Variants in ROBO2 observed in about 807,000 individuals in gnomAD.
The protein encoded by ROBO2 is roundabout guidance receptor 2.
ROBO2 carries 53 observed loss-of-function variants against 160.8 expected under a neutral mutation model. The ratio of observed to expected loss-of-function variants is 0.33; its 90% CI spans 0.26 to 0.41. The LOEUF is 0.41. Among genes scored for constraint, ROBO2 ranks in the 10% least tolerant of loss-of-function variants. The probability of loss-of-function intolerance (pLI) is 1.00; values close to 1 mark genes in which losing one functional copy is unlikely to be tolerated. For synonymous variants in ROBO2, 664 were observed against 611.7 expected, an observed-to-expected ratio of 1.09 and a Z score of -1.26; for missense variants, 1,577 against 1,722.4, an observed-to-expected ratio of 0.92 and a Z score of 1.49.
chr3:77,022,985 TA>T (rs1285060486), intron 2 of ROBO2, among the ~76,000 whole-genome samples: 4 of 152,148 alleles, frequency 2.6e-5, no homozygotes, highest in Non-Finnish European at 5.9e-5. Context: ...ACCACCATTC[TA>T]GTTTCAGTCT....
chr3:75,915,311 T>C (rs1162537841), intron 1 of ROBO2, among the ~76,000 whole-genome samples: 1 of 152,186 alleles, frequency 6.6e-6, no homozygotes, highest in East Asian at 1.9e-4. Context: ...TCAAGAATTA[T>C]GTAAAACCAG....
At chr3:76,942,300 G>A (rs1044493094) in intron 2 of ROBO2, among the ~76,000 whole-genome samples, 2 of 152,102 alleles carry the variant, frequency 1.3e-5, no homozygotes, top group African/African-American at 4.8e-5. Context: ...GTTTTCATTT[G>A]CAAAGCACAC....
At chr3:76,435,009 G>T in intron 2 of ROBO2, 1 of 1,478,092 alleles carries the variant, frequency 6.8e-7, no homozygotes, top group Non-Finnish European at 9.5e-7. Flanking sequence ...TCAGGAAAAT[G>T]TTTCCAACCT....
chr3:77,134,210 C>A (rs116804425), intron 2 of ROBO2, among the ~76,000 whole-genome samples: 2,554 of 152,004 alleles, frequency 0.017, 31 homozygotes, highest in African/African-American at 0.028. Flanking sequence ...AAAAACAAGG[C>A]TAGGTGATCT....
intron 2 of ROBO2, among the ~76,000 whole-genome samples, chr3:76,333,141 G>A (rs1216451798): frequency 3.3e-5 from 5 of 152,074 alleles, no homozygotes; most frequent in Admixed American, 2.6e-4. Flanking sequence ...AAATCATGGC[G>A]TTACCACATA....
intron 2 of ROBO2, among the ~76,000 whole-genome samples, chr3:76,955,852 C>T (rs1263932082): frequency 2.0e-5 from 3 of 146,678 alleles, no homozygotes; most frequent in Non-Finnish European, 3.0e-5. Context: ...CCCTTGAACC[C>T]GGGAGGCGGA....
chr3:77,455,618 G>A (rs1468331369), intron 2 of ROBO2, among the ~76,000 whole-genome samples: 1 of 152,050 alleles, frequency 6.6e-6, no homozygotes, highest in Non-Finnish European at 1.5e-5. Flanking sequence ...TTTTAGTAGA[G>A]ATGGGGTTTC....
chr3:76,432,791 G>GA lies in ROBO2; in HGVS notation c.109+495195dup, dbSNP rs2076494890. 2.6e-5 allele frequency among the ~76,000 whole-genome samples: 4 copies of GA among 151,616 alleles called. No homozygotes were observed. The South Asian group carries it at 8.3e-4, about 32-fold the overall frequency. ...GAAACCTATACAAACACGCATAACC[G>GA]AAAAAACAGGGCATTGGGGGCTATC... is the stretch of plus-strand genomic sequence containing the variant. On this transcript the variant is annotated intron_variant, in intron 2 of 26. Coordinates refer to the ROBO2 transcript ENST00000487694.
intron 1 of ROBO2, among the ~76,000 whole-genome samples, chr3:75,910,846 T>C (rs1946545467): frequency 6.6e-6 from 1 of 152,064 alleles, no homozygotes; most frequent in Non-Finnish European, 1.5e-5. Context: ...ACTGAACAAA[T>C]ATTCTGTCAT....
chr3:76,183,697 G>A (rs929019266), intron 2 of ROBO2, among the ~76,000 whole-genome samples: 12 of 151,962 alleles, frequency 7.9e-5, no homozygotes, highest in African/African-American at 2.4e-4. Flanking sequence ...ACTCTACTCC[G>A]AATATTCTAT....
chr3:76,423,303 G>C (rs888348544), intron 2 of ROBO2, among the ~76,000 whole-genome samples: 2 of 152,152 alleles, frequency 1.3e-5, no homozygotes, highest in African/African-American at 4.8e-5. Context: ...CCCTTAAGCT[G>C]TAGTGACACA....
intron 2 of ROBO2, among the ~76,000 whole-genome samples, chr3:76,154,377 G>C (rs1404291049): frequency 6.6e-6 from 1 of 152,024 alleles, no homozygotes; most frequent in African/African-American, 2.4e-5. Context: ...AAATTCAGGG[G>C]TTTTTAAGAT....
chr3:76,200,989 T>C (rs1702497306), intron 2 of ROBO2, among the ~76,000 whole-genome samples: 2 of 152,172 alleles, frequency 1.3e-5, no homozygotes, highest in African/African-American at 2.4e-5. Flanking sequence ...ATGGTCACCT[T>C]CCACTTTCCA....
At chr3:76,336,575 C>T (rs2073904228) in intron 2 of ROBO2, among the ~76,000 whole-genome samples, 1 of 152,160 alleles carries the variant, frequency 6.6e-6, no homozygotes, top group African/African-American at 2.4e-5. Flanking sequence ...AATGTTTCTG[C>T]TACTTTCTTT....
At chr3:76,840,660 T>C (rs2068162621) in intron 2 of ROBO2, among the ~76,000 whole-genome samples, 1 of 145,482 alleles carries the variant, frequency 6.9e-6, no homozygotes, top group Non-Finnish European at 1.5e-5. Flanking sequence ...TATATATATA[T>C]ATATATATAT....
chr3:77,391,961 A>T (rs1307541983), intron 2 of ROBO2, among the ~76,000 whole-genome samples: 3 of 152,158 alleles, frequency 2.0e-5, no homozygotes, highest in Non-Finnish European at 4.4e-5. Context: ...TTGAGACTTA[A>T]TATTTAAAAA....
At chr3:77,563,073 A>G in intron 10 of ROBO2, 94 bp from the exon 12 acceptor site, 3 of 1,141,536 alleles carry the variant, frequency 2.6e-6, no homozygotes, top group Non-Finnish European at 3.9e-6. Context: ...CTCACTGTCT[A>G]GGTCAGGTCC....
chr3:77,315,231 T>C (rs1227183008), intron 2 of ROBO2, among the ~76,000 whole-genome samples: 1 of 152,130 alleles, frequency 6.6e-6, no homozygotes, highest in African/African-American at 2.4e-5. Context: ...ACTACATAAA[T>C]AGAAGCATGG....
intron 2 of ROBO2, among the ~76,000 whole-genome samples, chr3:76,824,290 G>A (rs2066383417): frequency 6.6e-6 from 1 of 152,130 alleles, no homozygotes; most frequent in Non-Finnish European, 1.5e-5. Flanking sequence ...CCAGGCACGG[G>A]CCTGGCTACA....
Sources: allele counts gnomAD v4.1 joint callset (sites outside exome capture counted in the v4.1 genomes callset), GRCh38; gene constraint gnomAD v4.1.1; transcripts MANE v1.5; gene names NCBI Gene and HGNC (gene_info 2026-07-23, HGNC 2026-07-21).